The following KREMEN1 variants were observed in gnomAD, a reference collection of about 807,000 sequenced individuals.
KREMEN1 encodes the protein kremen protein 1.
In KREMEN1, 30 loss-of-function variants were observed where a neutral mutation model predicts 46.5. The ratio of observed to expected loss-of-function variants is 0.65; its 90% CI spans 0.48 to 0.88. The LOEUF (loss-of-function observed/expected upper bound fraction) is 0.88, where lower values mean the gene tolerates loss of function less well. Among genes scored for constraint, KREMEN1 ranks in the 40% least tolerant of loss-of-function variants. The pLI, the probability that KREMEN1 is intolerant of heterozygous loss-of-function variation, is 0.00. For missense variants in KREMEN1, 533 were observed against 596.9 expected (o/e 0.89, Z 1.11); for synonymous variants, 214 against 230.6 (o/e 0.93, Z 0.65).
chr22:29,127,670 A>C (rs946602869), intron 5 of KREMEN1, among the ~76,000 whole-genome samples: 6 of 152,156 alleles, frequency 3.9e-5, no homozygotes, highest in African/African-American at 1.2e-4. Context: ...AAAAGTAAAC[A>C]GTCTGGCATT....
At chr22:29,125,136 G>T (rs941740249) in intron 4 of KREMEN1, 127 bp from the exon 5 acceptor site, 44 of 937,962 alleles carry the variant, frequency 4.7e-5, no homozygotes, top group Non-Finnish European at 7.0e-5. Context: ...GAAGGGGGAG[G>T]TCCCAGGGGA....
At chr22:29,137,980 G>A (rs1382566443) in intron 6 of KREMEN1, among the ~76,000 whole-genome samples, 1 of 152,230 alleles carries the variant, frequency 6.6e-6, no homozygotes, top group Non-Finnish European at 1.5e-5. Context: ...GAACAGCTGA[G>A]ACTGGGACAG....
At chr22:29,119,503 C>A (rs2038296528) in intron 3 of KREMEN1, among the ~76,000 whole-genome samples, 1 of 152,194 alleles carries the variant, frequency 6.6e-6, no homozygotes, top group African/African-American at 2.4e-5. Context: ...TGTGACCACC[C>A]TCCATCCTGA....
intron 5 of KREMEN1, among the ~76,000 whole-genome samples, chr22:29,126,521 CTG>C (rs574611957): frequency 0.011 from 1,611 of 152,282 alleles, 29 homozygotes; most frequent in African/African-American, 0.037. Context: ...GTCTATGTCT[CTG>C]TGTGTCTCCT....
chr22:29,140,732 A>C (rs2038748637), intron 8 of KREMEN1, among the ~76,000 whole-genome samples: 1 of 152,242 alleles, frequency 6.6e-6, no homozygotes, highest in African/African-American at 2.4e-5. Context: ...AGAAATTGAG[A>C]AACATCCTTA....
intron 1 of KREMEN1, among the ~76,000 whole-genome samples, chr22:29,078,509 G>GAAA (rs1396990116): frequency 6.6e-6 from 1 of 150,858 alleles, no homozygotes; most frequent in Non-Finnish European, 1.5e-5. Flanking sequence ...AGAAGAAGAA[G>GAAA]AAAACAAACT....
intron 1 of KREMEN1, among the ~76,000 whole-genome samples, chr22:29,092,209 G>A (rs2037815665): frequency 6.6e-6 from 1 of 152,172 alleles, no homozygotes; most frequent in African/African-American, 2.4e-5. Context: ...ATGTTTTAGG[G>A]AAGTCAACAG....
chr22:29,127,710 A>G (rs1182191758), intron 5 of KREMEN1, among the ~76,000 whole-genome samples: 1 of 152,192 alleles, frequency 6.6e-6, no homozygotes, highest in Non-Finnish European at 1.5e-5. Context: ...GAGTAACTGT[A>G]TGACCCAGCA....
rs1394812659 is a variant in KREMEN1 at position 29,073,993 on chromosome 22, C to A, written c.97+766C>A. On this transcript the variant is annotated intron_variant, in intron 1 of 8. Transcript: ENST00000400335. This position sits in a 1 kb window ranked among gnomAD's most constrained non-coding sequence, Gnocchi z 4.4. ...CCTGAGCCTCACTGCGACGCCCCCG[C>A]GTCCCCCAGTCCTCTCCTCCCGCCT... Among the ~76,000 whole-genome samples the A allele has an allele frequency of 6.6e-6, 1 of 152,228 alleles. No homozygotes were observed. Among genetic ancestry groups the A allele is most frequent in the African/African-American group, 2.4e-5 (1 of 41,468 alleles).
In KREMEN1 at chr22:29,131,552, ATATATATATGTGTG is replaced by A. The variant is rs1278032811; in HGVS notation, c.632-5788_632-5775del. The stretch of plus-strand genomic sequence containing the variant: ...TATATATATATATATATATATATAT[ATATATATATGTGTG>A]TGTGTGTGTGTGTGTGTGTGTGTGT... On this transcript the variant is annotated intron_variant, in intron 5 of 8. Transcript: ENST00000400335. 3.4e-4 allele frequency among the ~76,000 whole-genome samples: 23 copies of A among 66,992 alleles called. 1 individual carries two copies. Among genetic ancestry groups the A allele is most frequent in the African/African-American group, 1.2e-3 (19 of 15,874 alleles). 43.9% of individuals were successfully genotyped at this position (66,992 alleles called of 152,430 possible). A position where few individuals can be genotyped will look rare whatever the true frequency, so the allele number is the denominator to read the frequency against.
intron 5 of KREMEN1, among the ~76,000 whole-genome samples, chr22:29,135,440 C>T (rs12159677): frequency 2.6e-5 from 4 of 152,144 alleles, no homozygotes; most frequent in Admixed American, 6.5e-5. Flanking sequence ...TCCCAGCTGC[C>T]GAAGGCTTTT....
intron 1 of KREMEN1, among the ~76,000 whole-genome samples, chr22:29,078,954 A>G (rs1396761878): frequency 6.6e-6 from 1 of 152,182 alleles, no homozygotes; most frequent in Non-Finnish European, 1.5e-5. Context: ...GACCTTGAGA[A>G]TCCAGCTGGA....
chr22:29,147,849 C>T (rs1206267807), downstream of KREMEN1, among the ~76,000 whole-genome samples: 4 of 152,204 alleles, frequency 2.6e-5, no homozygotes, highest in Non-Finnish European at 5.9e-5. Flanking sequence ...TTCCACTGTT[C>T]ACCATGTGAC....
exon 10 of KREMEN1, chr22:29,168,036 G>C (rs977611346): frequency 2.0e-5 from 3 of 152,230 alleles, no homozygotes; most frequent in African/African-American, 7.2e-5. Context: ...TATGAAATAA[G>C]AATAAGCAGC....
At position 29,145,127 on chromosome 22, in the gene KREMEN1, CAGA is replaced by C. The variant is rs1028816325; in HGVS notation, c.*3018_*3020del. 4.1e-6 allele frequency: 4 copies of C among 986,030 alleles called. No individual in the cohort carries two copies. The African/African-American group carries it at 7.0e-5, about 17-fold the overall frequency. The allele number at this position is 986,030 out of a possible 1,614,324, so 61.1% of individuals were successfully genotyped here. A position where few individuals can be genotyped will look rare whatever the true frequency, so the allele number is the denominator to read the frequency against. On this transcript the variant is annotated 3_prime_UTR_variant, in exon 9 of 9. Coordinates refer to ENST00000400335, the MANE Select transcript of KREMEN1 (RefSeq NM_001039570.3). ...CAGGTAGAAAGTCAGCGACACCCCA[CAGA>C]AGGCCACTGCGGCTAGGTAAACACC...
intron 3 of KREMEN1, among the ~76,000 whole-genome samples, chr22:29,114,613 T>C (rs559796577): frequency 3.0e-4 from 45 of 152,030 alleles, no homozygotes; most frequent in Non-Finnish European, 5.7e-4. Context: ...GAACTGAAAC[T>C]GCCAGTACCT....
At chr22:29,099,462 C>T (rs560404027) in intron 3 of KREMEN1, 3 of 152,154 alleles carry the variant, frequency 2.0e-5, no homozygotes, top group East Asian at 1.9e-4. Flanking sequence ...ATAATAATAA[C>T]TCACAACCCA....
At chr22:29,092,559 C>G (rs1338999161) in intron 1 of KREMEN1, among the ~76,000 whole-genome samples, 7 of 152,238 alleles carry the variant, frequency 4.6e-5, no homozygotes, top group Non-Finnish European at 1.0e-4. Context: ...ACTGAACTGC[C>G]TCCTTCAATT....
At chr22:29,104,301 C>T (rs1365383882) in intron 3 of KREMEN1, among the ~76,000 whole-genome samples, 1 of 151,930 alleles carries the variant, frequency 6.6e-6, no homozygotes. Flanking sequence ...GGCCTACAGG[C>T]ACATGCCATC....
Sources: allele counts gnomAD v4.1 joint callset (sites outside exome capture counted in the v4.1 genomes callset), GRCh38; gene constraint gnomAD v4.1.1; non-coding constraint Gnocchi (gnomAD v3.1); transcripts MANE v1.5; gene names NCBI Gene and HGNC (gene_info 2026-07-23, HGNC 2026-07-21).